Variants in EPC2 observed in about 807,000 individuals in gnomAD.
EPC2 encodes the protein enhancer of polycomb 2, also known as enhancer of polycomb homolog 2.
Under a neutral mutation model 92.1 loss-of-function variants are expected in EPC2, and 14 were observed. The ratio of observed to expected loss-of-function variants is 0.15; its 90% CI spans 0.10 to 0.24. EPC2 has a LOEUF of 0.24. Among genes scored for constraint, EPC2 ranks in the 10% least tolerant of loss-of-function variants. EPC2 has a pLI of 1.00. For missense variants in EPC2, 755 were observed against 971.5 expected (o/e 0.78, Z 2.96); for synonymous variants, 340 against 334.7 (o/e 1.02, Z -0.17).
chr2:148,755,518 A>C (rs1043974890), intron 4 of EPC2, among the ~76,000 whole-genome samples: 2 of 152,158 alleles, frequency 1.3e-5, no homozygotes, highest in African/African-American at 4.8e-5. Context: ...TGCATATATG[A>C]TGGTGATCCC....
In EPC2 at chr2:148,781,624, A is replaced by G. The variant is rs1683750310; in HGVS notation, c.1721-20A>G. 1.9e-6 allele frequency: 3 copies of G among 1,597,312 alleles called. No individual in the cohort carries two copies. The highest frequency in any genetic ancestry group is 1.7e-6 in the Non-Finnish European group (2 of 1,171,900). ...ATCTTTTAAAACGTACTCATTTCCA[A>G]AATTCATGTTCTTTACCAGTAACAG... is the stretch of plus-strand genomic sequence containing the variant. On this transcript the variant is annotated intron_variant, in intron 10 of 13. Coordinates refer to ENST00000258484, the MANE Select transcript of EPC2 (RefSeq NM_015630.4).
chr2:148,771,701 A>G (rs887171879), intron 10 of EPC2, among the ~76,000 whole-genome samples: 2 of 152,118 alleles, frequency 1.3e-5, no homozygotes, highest in African/African-American at 4.8e-5. Context: ...GGTAGTTTTC[A>G]TTTTGGTGCG....
rs1474782055 is a variant in EPC2 at position 148,762,774 on chromosome 2, A to G, written c.920A>G (p.His307Arg). The change falls in exon 6 of 14, where the codon CAT becomes CGT. Residue 307 changes from histidine to arginine, a missense_variant. Physicochemically the swap from His to Arg is conservative, Grantham distance 29 (BLOSUM62 0). Transcript: ENST00000258484. ...CCAGCAACTCTTCATAATGGAAATCATCACAAAGTTCAAGAATGTAAAACT... is the reference window on the plus strand; with the variant it reads ...CCAGCAACTCTTCATAATGGAAATCGTCACAAAGTTCAAGAATGTAAAACT... The part of the protein sequence containing the change: ...ATPATLHNGN[H>R]HKVQECKTKH... 6.2e-7 allele frequency: 1 copy of G among 1,609,244 alleles called. No individual in the cohort carries two copies. The highest frequency in any genetic ancestry group is 8.5e-7 in the Non-Finnish European group (1 of 1,178,498).
intron 1 of EPC2, among the ~76,000 whole-genome samples, chr2:148,668,150 G>A (rs1681089987): frequency 6.6e-6 from 1 of 152,122 alleles, no homozygotes; most frequent in African/African-American, 2.4e-5. Context: ...ACCTGCCTCG[G>A]CCTCCCAAAG....
At chr2:148,784,603 A>T in intron 12 of EPC2, 65 bp from the exon 13 acceptor site, 2 of 1,183,740 alleles carry the variant, frequency 1.7e-6, no homozygotes, top group Non-Finnish European at 2.4e-6. Flanking sequence ...TTATTTTATT[A>T]AGCTTCTAAA....
At position 148,644,961 on chromosome 2, in the gene EPC2, CCCT is replaced by C; in HGVS notation, c.-54_-52del. 1.4e-6 allele frequency: 2 copies of C among 1,447,208 alleles called. No individual in the cohort carries two copies. Among genetic ancestry groups the C allele is most frequent in the South Asian group, 2.5e-5 (2 of 81,432 alleles). 89.6% of individuals were successfully genotyped at this position (1,447,208 alleles called of 1,614,324 possible). A position where few individuals can be genotyped will look rare whatever the true frequency, so the allele number is the denominator to read the frequency against. On this transcript the variant is annotated 5_prime_UTR_variant, in exon 1 of 14. Coordinates refer to ENST00000258484, the MANE Select transcript of EPC2 (RefSeq NM_015630.4). ...GGAGGAGGCGGCGGGAGTCCTCCCC[CCCT>C]CCCCGCCCGCCCCGCCGCCGCCGCC...
chr2:148,753,772 C>T lies in EPC2; in HGVS notation c.460-155C>T, dbSNP rs1683122702. ...AGATAAATCTCCTAATTAATGATTC[C>T]TTCATTAGGTTGAATTGAATTGTGT... On this transcript the variant is annotated intron_variant, in intron 3 of 13. Coordinates refer to ENST00000258484, the MANE Select transcript of EPC2 (RefSeq NM_015630.4). 1.2e-5 allele frequency: 7 copies of T among 597,722 alleles called. No individual in the cohort carries two copies. In the East Asian group the frequency reaches 2.0e-4, roughly 17 times the overall value. 37.0% of individuals were successfully genotyped at this position (597,722 alleles called of 1,614,324 possible). A position where few individuals can be genotyped will look rare whatever the true frequency, so the allele number is the denominator to read the frequency against.
At chr2:148,662,087 C>T (rs1680948678) in intron 1 of EPC2, among the ~76,000 whole-genome samples, 2 of 152,156 alleles carry the variant, frequency 1.3e-5, no homozygotes, top group Admixed American at 6.5e-5. Flanking sequence ...CACTGGCCAT[C>T]AGAGAAATGC....
chr2:148,681,190 G>A (rs1293131530), intron 1 of EPC2, among the ~76,000 whole-genome samples: 2 of 152,198 alleles, frequency 1.3e-5, no homozygotes, highest in Admixed American at 6.5e-5. Context: ...TACAAAAACA[G>A]ATATAAACGT....
At chr2:148,783,531 C>T in intron 11 of EPC2, 66 bp from the exon 12 acceptor site, 2 of 1,476,032 alleles carry the variant, frequency 1.4e-6, no homozygotes. Context: ...GGGTTTGCCC[C>T]ATCCCTTAAT....
At chr2:148,661,512 C>T (rs976317372) in intron 1 of EPC2, among the ~76,000 whole-genome samples, 3 of 152,106 alleles carry the variant, frequency 2.0e-5, no homozygotes, top group Admixed American at 1.3e-4. Context: ...TTACATTTCC[C>T]TGTTGTGTTT....
intron 2 of EPC2, among the ~76,000 whole-genome samples, chr2:148,720,439 A>G (rs755341182): frequency 4.0e-4 from 60 of 151,704 alleles, no homozygotes; most frequent in Non-Finnish European, 6.2e-4. Flanking sequence ...AGGCTGCTCA[A>G]CTTTCTGGAT....
rs1682485948 is a variant in EPC2, at chr2:148,725,940, CTATG to C, written c.314-17678_314-17675del. 3.3e-5 allele frequency among the ~76,000 whole-genome samples: 5 copies of C among 152,246 alleles called. No homozygotes were observed. In the South Asian group the frequency reaches 1.0e-3, roughly 32 times the overall value. ...ACTTTTACATTTTGTAAAACTTAAA[CTATG>C]TATACCCATTGAACAACCTCCTGTT... On this transcript the variant is annotated intron_variant, in intron 2 of 13. Transcript: ENST00000258484.
intron 8 of EPC2, among the ~76,000 whole-genome samples, chr2:148,769,626 G>A (rs1683477421): frequency 6.6e-6 from 1 of 152,112 alleles, no homozygotes; most frequent in Admixed American, 6.5e-5. Flanking sequence ...CCCATCTTGT[G>A]CATACATACC....
chr2:148,783,879 T>C (rs1683807035), intron 12 of EPC2, 123 bp downstream of exon 12: 3 of 971,112 alleles, frequency 3.1e-6, no homozygotes, highest in East Asian at 2.6e-5. Flanking sequence ...CTCTTTAGGA[T>C]TTCTTTGGAA....
intron 1 of EPC2, among the ~76,000 whole-genome samples, chr2:148,651,740 A>G (rs1485523719): frequency 6.6e-6 from 1 of 152,116 alleles, no homozygotes; most frequent in Admixed American, 6.5e-5. Flanking sequence ...CTAACATTTG[A>G]GTGTGTGTTG....
At chr2:148,663,154 A>T (rs1680973920) in intron 1 of EPC2, among the ~76,000 whole-genome samples, 1 of 150,382 alleles carries the variant, frequency 6.6e-6, no homozygotes, top group South Asian at 2.1e-4. Context: ...GACAGTTGAT[A>T]CATGGGACAG....
chr2:148,708,012 A>G (rs1336290073), intron 2 of EPC2, among the ~76,000 whole-genome samples: 2 of 152,226 alleles, frequency 1.3e-5, no homozygotes, highest in Non-Finnish European at 2.9e-5. Context: ...GCAGAACTGA[A>G]GGAGATAGAG....
At chr2:148,658,623 A>ATATATATATATATG (rs1680866267) in intron 1 of EPC2, among the ~76,000 whole-genome samples, 1 of 150,912 alleles carries the variant, frequency 6.6e-6, no homozygotes, top group South Asian at 2.1e-4. Context: ...ATATATATAT[A>ATATATATATATATG]TATATATATG....
Sources: allele counts gnomAD v4.1 joint callset (sites outside exome capture counted in the v4.1 genomes callset), GRCh38; gene constraint gnomAD v4.1.1; transcripts MANE v1.5; gene names NCBI Gene and HGNC (gene_info 2026-07-23, HGNC 2026-07-21).